The following CA1 variants were observed in gnomAD, a reference collection of about 807,000 sequenced individuals.
CA1 encodes the protein carbonate dehydratase I.
Under a neutral mutation model 28.8 loss-of-function variants are expected in CA1, and 27 were observed. The observed-to-expected ratio is 0.94, with a 90% CI of 0.69 to 1.29. CA1 has a LOEUF of 1.29. Among genes scored for constraint, CA1 ranks in the 50% most tolerant of loss-of-function variants. CA1 has a pLI of 0.00. For missense variants in CA1, 335 were observed against 310.5 expected, an observed-to-expected ratio of 1.08 and a Z score of -0.59; for synonymous variants, 121 against 108.8, an observed-to-expected ratio of 1.11 and a Z score of -0.70.
At chr8:85,333,711 A>AT (rs1489153684) in intron 4 of CA1, 91 bp from the exon 5 acceptor site, 1 of 822,950 alleles carries the variant, frequency 1.2e-6, no homozygotes, top group Non-Finnish European at 2.0e-6. Context: ...ATGATGATGT[A>AT]TCTTGGCTTA....
At chr8:85,367,787 G>A (rs575414691) in intron 1 of CA1, among the ~76,000 whole-genome samples, 162 of 152,264 alleles carry the variant, frequency 1.1e-3, no homozygotes, top group African/African-American at 3.7e-3. Flanking sequence ...AGCAAGAATA[G>A]GAATAAAGGC....
intron 4 of CA1, among the ~76,000 whole-genome samples, chr8:85,333,850 C>G (rs1455416330): frequency 1.3e-5 from 2 of 152,118 alleles, no homozygotes; most frequent in African/African-American, 4.8e-5. Flanking sequence ...ATGTCCTTTC[C>G]TACGATATTG....
chr8:85,376,981 C>T (rs1248463757), intron 1 of CA1, among the ~76,000 whole-genome samples: 3 of 152,118 alleles, frequency 2.0e-5, no homozygotes, highest in Non-Finnish European at 4.4e-5. Flanking sequence ...ATTTACAATA[C>T]TGGGAGAAGA....
At chr8:85,343,982 A>T (rs1191271532) in intron 1 of CA1, among the ~76,000 whole-genome samples, 1 of 149,662 alleles carries the variant, frequency 6.7e-6, no homozygotes, top group Non-Finnish European at 1.5e-5. Context: ...TTTCACCAAC[A>T]GTTTCCTCCC....
intron 1 of CA1, among the ~76,000 whole-genome samples, chr8:85,367,276 C>T (rs566870526): frequency 2.6e-5 from 4 of 152,150 alleles, no homozygotes; most frequent in Admixed American, 2.6e-4. Flanking sequence ...CTTTTGAATA[C>T]TATTTTATTG....
intron 2 of CA1, among the ~76,000 whole-genome samples, chr8:85,338,717 T>TCTC (rs1491431411): frequency 9.4e-6 from 1 of 106,876 alleles, no homozygotes; most frequent in African/African-American, 5.5e-5. Flanking sequence ...TTTCTCTCTC[T>TCTC]TTTTTTTTTT....
At position 85,328,685 on chromosome 8, in the gene CA1, A is replaced by T; in HGVS notation, c.670-9T>A. On this transcript the variant is annotated splice_polypyrimidine_tract_variant and intron_variant, in intron 7 of 7. Coordinates refer to ENST00000523022, the MANE Select transcript of CA1 (RefSeq NM_001128831.4). ...CTGCGGAATTGTGCCAGCTAGAAGG[A>T]TAAAATATTTTAAAAATAAAAAGTT... The T allele has an allele frequency of 6.5e-7, 1 of 1,544,342 alleles. No individual in the cohort carries two copies. The highest frequency in any genetic ancestry group is 8.9e-7 in the Non-Finnish European group (1 of 1,119,864).
intron 6 of CA1, 71 bp from the exon 7 acceptor site, chr8:85,329,915 C>T (rs1808333611): frequency 2.2e-5 from 26 of 1,172,038 alleles, no homozygotes; most frequent in Middle Eastern, 2.7e-4. Context: ...CATATATATG[C>T]TATATTATCT....
At chr8:85,357,148 A>G (rs567374770) in intron 1 of CA1, among the ~76,000 whole-genome samples, 2 of 152,344 alleles carry the variant, frequency 1.3e-5, no homozygotes, top group African/African-American at 4.8e-5. Context: ...AGGTCAGGTT[A>G]GGCCCACAGG....
At chr8:85,353,618 T>C (rs1243406447) in intron 1 of CA1, among the ~76,000 whole-genome samples, 1 of 152,238 alleles carries the variant, frequency 6.6e-6, no homozygotes, top group Non-Finnish European at 1.5e-5. Context: ...TTTACATGTT[T>C]TGTTTTACTT....
chr8:85,370,876 G>A (rs1185789692), intron 1 of CA1, among the ~76,000 whole-genome samples: 2 of 152,226 alleles, frequency 1.3e-5, no homozygotes, highest in Middle Eastern at 3.4e-3. Context: ...CCATTATTGT[G>A]TTTAAATGGA....
chr8:85,355,643 CTCTTG>C lies in CA1; in HGVS notation c.-24-13989_-24-13985del, dbSNP rs567490026. On this transcript the variant is annotated intron_variant, in intron 1 of 7. Transcript: ENST00000523022. ...CTTGAACTCCTGGGCTCCAGGGATC[CTCTTG>C]TCTTGGCCTCTCAAAGTAGGGGCAT... Among the ~76,000 whole-genome samples the C allele has an allele frequency of 2.4e-3, 366 of 149,442 alleles. 2 individuals are homozygous for C. Among genetic ancestry groups the C allele is most frequent in the South Asian group, 0.016 (78 of 4,748 alleles).
chr8:85,348,606 CAT>C (rs958174724), intron 1 of CA1, among the ~76,000 whole-genome samples: 3 of 152,122 alleles, frequency 2.0e-5, no homozygotes, highest in Admixed American at 1.3e-4. Flanking sequence ...TAAACAAAGA[CAT>C]GTAACGAGGA....
At chr8:85,333,379 G>A in intron 5 of CA1, 146 bp downstream of exon 5, 2 of 605,464 alleles carry the variant, frequency 3.3e-6, no homozygotes, top group Non-Finnish European at 6.0e-6. Context: ...AAAATACTAG[G>A]GAACTATTTG....
intron 1 of CA1, among the ~76,000 whole-genome samples, chr8:85,361,447 C>T (rs901355300): frequency 3.9e-5 from 6 of 152,198 alleles, no homozygotes; most frequent in Admixed American, 2.6e-4. Flanking sequence ...GAAGCCGAAG[C>T]GGGATGATTG....
At chr8:85,353,916 G>A (rs976984413) in intron 1 of CA1, among the ~76,000 whole-genome samples, 1 of 152,032 alleles carries the variant, frequency 6.6e-6, no homozygotes, top group Non-Finnish European at 1.5e-5. Flanking sequence ...TCACTGCTTA[G>A]ATTCTAATAA....
At chr8:85,333,191 A>T (rs1585915210) in intron 5 of CA1, among the ~76,000 whole-genome samples, 1 of 152,082 alleles carries the variant, frequency 6.6e-6, no homozygotes, top group East Asian at 1.9e-4. Context: ...TTCTTTCCTG[A>T]TGAGACATTA....
chr8:85,373,691 G>A (rs969170059), intron 1 of CA1, among the ~76,000 whole-genome samples: 5 of 152,236 alleles, frequency 3.3e-5, no homozygotes, highest in African/African-American at 7.2e-5. Context: ...TTCAGGTATT[G>A]TCTTGTAACG....
intron 1 of CA1, among the ~76,000 whole-genome samples, chr8:85,375,047 A>G (rs76589685): frequency 0.024 from 3,658 of 152,266 alleles, 69 homozygotes; most frequent in Non-Finnish European, 0.035. Context: ...CAAATTTTAT[A>G]TAAAACATAT....
Sources: allele counts gnomAD v4.1 joint callset (sites outside exome capture counted in the v4.1 genomes callset), GRCh38; gene constraint gnomAD v4.1.1; transcripts MANE v1.5; gene names NCBI Gene and HGNC (gene_info 2026-07-23, HGNC 2026-07-21).